Variants in STIM1 observed in about 807,000 individuals in gnomAD.
The protein encoded by STIM1 is stromal interaction molecule 1.
Under a neutral mutation model 74.7 loss-of-function variants are expected in STIM1, and 25 were observed. That is an observed-to-expected ratio of 0.33 (90% confidence interval 0.24 to 0.47). The LOEUF is 0.47. Among genes scored for constraint, STIM1 ranks in the 20% least tolerant of loss-of-function variants. The pLI, the probability that STIM1 is intolerant of heterozygous loss-of-function variation, is 1.00. For missense variants in STIM1, 728 were observed against 920.8 expected, an observed-to-expected ratio of 0.79 and a Z score of 2.71; for synonymous variants, 328 against 348.8, an observed-to-expected ratio of 0.94 and a Z score of 0.66.
intron 2 of STIM1, chr11:3,999,519 A>AG (rs1343879658): frequency 6.6e-6 from 1 of 152,258 alleles, no homozygotes; most frequent in African/African-American, 2.4e-5. Flanking sequence ...GGTAATGGGG[A>AG]GCCATGAGAT....
chr11:4,027,177 C>G (rs1010145489), intron 3 of STIM1, among the ~76,000 whole-genome samples: 21 of 152,022 alleles, frequency 1.4e-4, no homozygotes, highest in African/African-American at 5.1e-4. Flanking sequence ...CAAAGATCTG[C>G]CAAATTCTTT....
intron 2 of STIM1, among the ~76,000 whole-genome samples, chr11:4,008,802 T>A (rs531900594): frequency 6.6e-6 from 1 of 152,140 alleles, no homozygotes; most frequent in East Asian, 1.9e-4. Flanking sequence ...CATGCACACA[T>A]GGGGAGAGCA....
At chr11:4,040,565 C>T (rs184086693) in intron 3 of STIM1, among the ~76,000 whole-genome samples, 230 of 152,306 alleles carry the variant, frequency 1.5e-3, no homozygotes, top group Non-Finnish European at 2.6e-3. Flanking sequence ...AAGATCTGTT[C>T]CACTGCCGGT....
intron 2 of STIM1, among the ~76,000 whole-genome samples, chr11:4,014,149 C>T (rs2093871819): frequency 6.6e-6 from 1 of 152,018 alleles, no homozygotes. Flanking sequence ...GTTAGGGTGT[C>T]GATTTTAGAT....
intron 1 of STIM1, among the ~76,000 whole-genome samples, chr11:3,887,406 T>C (rs1430405593): frequency 6.6e-6 from 1 of 152,122 alleles, no homozygotes; most frequent in Admixed American, 6.5e-5. Context: ...CTTAATATAT[T>C]GTGAGAGGTG....
chr11:3,987,693 G>T (rs943638922), intron 2 of STIM1, among the ~76,000 whole-genome samples: 3 of 152,126 alleles, frequency 2.0e-5, no homozygotes, highest in African/African-American at 7.2e-5. Flanking sequence ...TTAGGCAAAT[G>T]AAAGAACAAA....
chr11:4,067,006 A>G (rs900807694), intron 5 of STIM1, among the ~76,000 whole-genome samples: 3 of 152,212 alleles, frequency 2.0e-5, no homozygotes, highest in Non-Finnish European at 4.4e-5. Context: ...CAATTCTTAC[A>G]TCTACTGCTT....
chr11:3,896,777 C>G (rs1406832023), intron 1 of STIM1, among the ~76,000 whole-genome samples: 1 of 152,148 alleles, frequency 6.6e-6, no homozygotes, highest in Non-Finnish European at 1.5e-5. Context: ...TCCTTGGGGT[C>G]AGCTTGCCTG....
chr11:4,017,623 C>A (rs2093910673), intron 2 of STIM1, among the ~76,000 whole-genome samples: 1 of 152,058 alleles, frequency 6.6e-6, no homozygotes, highest in Non-Finnish European at 1.5e-5. Context: ...GTTTCTGCTC[C>A]CAAGGCTTGC....
chr11:3,914,473 C>T (rs1477771414), intron 1 of STIM1, among the ~76,000 whole-genome samples: 1 of 152,124 alleles, frequency 6.6e-6, no homozygotes, highest in African/African-American at 2.4e-5. Flanking sequence ...GACGGAGTCT[C>T]ACTCTGTCGC....
chr11:3,856,001 C>T lies in STIM1; in HGVS notation c.-270C>T, dbSNP rs1190828919. The T allele has an allele frequency of 3.8e-6, 2 of 519,802 alleles. No individual in the cohort carries two copies. The highest frequency in any genetic ancestry group is 1.9e-5 in the African/African-American group (1 of 52,040). The allele number at this position is 519,802 out of a possible 1,614,324, so 32.2% of individuals were successfully genotyped here. ...GACAGCAGCCCCGCAGCCACCCTGC[C>T]CGAAGTCTCCGGAAGCGGCACGAGC... On this transcript the variant is annotated 5_prime_UTR_variant, in exon 1 of 13. Transcript: ENST00000526596.
intron 1 of STIM1, among the ~76,000 whole-genome samples, chr11:3,877,330 C>G (rs1313463176): frequency 6.6e-6 from 1 of 152,102 alleles, no homozygotes; most frequent in Non-Finnish European, 1.5e-5. Context: ...CCTTGCTTCT[C>G]TACATTTCCC....
rs1157478592 is a variant in STIM1, at chr11:3,895,683, C to CTTCT, written c.139+39325_139+39328dup. ...CTTTCTTTCTTTCTTTCCTTCCTTCCTTCTTTCTTTCTTTCTTTCTTTCTT... is the reference window on the plus strand; with the variant it reads ...CTTTCTTTCTTTCTTTCCTTCCTTCCTTCTTTCTTTCTTTCTTTCTTTCTTTCTT... On this transcript the variant is annotated intron_variant, in intron 1 of 12. Coordinates refer to ENST00000526596, the MANE Select transcript of STIM1 (RefSeq NM_001382567.1). Among the ~76,000 whole-genome samples the CTTCT allele has an allele frequency of 1.9e-3, 74 of 37,962 alleles. 5 individuals are homozygous for CTTCT. The highest frequency in any genetic ancestry group is 4.9e-3 in the Admixed American group (18 of 3,646). 24.9% of individuals were successfully genotyped at this position (37,962 alleles called of 152,430 possible).
chr11:3,953,937 T>C (rs2093180916), intron 1 of STIM1, among the ~76,000 whole-genome samples: 1 of 151,970 alleles, frequency 6.6e-6, no homozygotes, highest in Admixed American at 6.6e-5. Flanking sequence ...TGTGTGCCAC[T>C]ACTCCCAGCT....
At chr11:3,989,258 G>A (rs1412802568) in intron 2 of STIM1, 4 of 874,052 alleles carry the variant, frequency 4.6e-6, no homozygotes, top group Non-Finnish European at 7.9e-6. Flanking sequence ...TTAGTTTCTT[G>A]GTTAGCCACT....
intron 2 of STIM1, among the ~76,000 whole-genome samples, chr11:4,014,455 G>A (rs1330337810): frequency 1.3e-5 from 2 of 152,194 alleles, no homozygotes; most frequent in Admixed American, 6.5e-5. Flanking sequence ...TTGCTGACGA[G>A]TATTTTACTT....
At chr11:4,029,577 CGGGGTG>C (rs2094030000) in intron 3 of STIM1, among the ~76,000 whole-genome samples, 1 of 3,060 alleles carries the variant, frequency 3.3e-4, no homozygotes, top group Non-Finnish European at 6.7e-4. Context: ...GGAGGGTGGG[CGGGGTG>C]GGGGTGGGAG....
At position 3,900,725 on chromosome 11, in the gene STIM1, A is replaced by G. The variant is rs558207530; in HGVS notation, c.139+44316A>G. Among the ~76,000 whole-genome samples, 21 of 152,238 alleles carry G rather than the reference A, an allele frequency of 1.4e-4. No individual in the cohort carries two copies. The East Asian group carries it at 3.7e-3, about 27-fold the overall frequency. On this transcript the variant is annotated intron_variant, in intron 1 of 12. Coordinates refer to ENST00000526596, the MANE Select transcript of STIM1 (RefSeq NM_001382567.1). Reference sequence around the variant, plus strand: ...CTCCCAAGTATCTGGGACTACAGGCACACCCCGCCATGCCTGGCTAATATA... The same window carrying G: ...CTCCCAAGTATCTGGGACTACAGGCGCACCCCGCCATGCCTGGCTAATATA...
At chr11:4,008,726 A>G (rs1476913243) in intron 2 of STIM1, among the ~76,000 whole-genome samples, 2 of 152,180 alleles carry the variant, frequency 1.3e-5, no homozygotes, top group East Asian at 3.9e-4. Context: ...CCATGGAGAC[A>G]TGCCAGTTCA....
Sources: allele counts gnomAD v4.1 joint callset (sites outside exome capture counted in the v4.1 genomes callset), GRCh38; gene constraint gnomAD v4.1.1; transcripts MANE v1.5; gene names NCBI Gene and HGNC (gene_info 2026-07-23, HGNC 2026-07-21).